Variants in RASA4 observed in about 807,000 individuals in gnomAD.
The protein encoded by RASA4 is ras GTPase-activating protein 4.
In RASA4, 5 loss-of-function variants were observed where a neutral mutation model predicts 24.0. That is an observed-to-expected ratio of 0.21 (90% CI 0.11 to 0.44). The LOEUF (loss-of-function observed/expected upper bound fraction) is 0.44. Among genes scored for constraint, RASA4 ranks in the 20% least tolerant of loss-of-function variants. The probability of loss-of-function intolerance (pLI) is 0.99; values close to 1 mark genes in which losing one functional copy is unlikely to be tolerated. For missense variants in RASA4, 38 were observed against 293.0 expected (o/e 0.13, Z 6.35); for synonymous variants, 9 against 132.7 (o/e 0.07, Z 6.41).
intron 5 of RASA4, among the ~76,000 whole-genome samples, chr7:102,604,020 C>G (rs1347994716): frequency 6.7e-6 from 1 of 148,420 alleles, no homozygotes; most frequent in Non-Finnish European, 1.5e-5. Flanking sequence ...AAAAATTAGC[C>G]GGGCGTGGTG....
rs879600285 is a variant in RASA4, at chr7:102,614,092, C to T, written c.65+2533G>A. Among the ~76,000 whole-genome samples, 361 of 147,662 alleles carry T rather than the reference C, an allele frequency of 2.4e-3. 3 individuals are homozygous for T. Among genetic ancestry groups the T allele is most frequent in the Non-Finnish European group, 4.2e-3 (277 of 66,040 alleles). On this transcript the variant is annotated intron_variant, in intron 1 of 20. Coordinates refer to ENST00000262940, the MANE Select transcript of RASA4 (RefSeq NM_006989.6). Reference sequence around the variant, plus strand: ...TCCCCGTCCTCAGAAGTATGCAAGCCCTGGCTGGAGGAGATGCTACTCAGA... The same window carrying T: ...TCCCCGTCCTCAGAAGTATGCAAGCTCTGGCTGGAGGAGATGCTACTCAGA...
At chr7:102,599,791 G>C (rs1790369448) in intron 8 of RASA4, 69 bp downstream of exon 8, 1 of 63,618 alleles carries the variant, frequency 1.6e-5, no homozygotes, top group African/African-American at 5.4e-5. Flanking sequence ...CTGCCTGCCT[G>C]TAGCCAATTC....
At chr7:102,603,865 C>CAAAAAA (rs60895813) in intron 5 of RASA4, among the ~76,000 whole-genome samples, 1 of 80,198 alleles carries the variant, frequency 1.2e-5, no homozygotes. Flanking sequence ...AAAAAACCAC[C>CAAAAAA]AAAAAAAAAA....
chr7:102,603,784 T>C (rs375942804), intron 5 of RASA4, among the ~76,000 whole-genome samples: 3,884 of 133,858 alleles, frequency 0.029, no homozygotes, highest in African/African-American at 0.059. Flanking sequence ...GAGGTTGCAG[T>C]GAGCCAAGAA....
chr7:102,606,395 CAAA>C (rs555519087), intron 4 of RASA4, among the ~76,000 whole-genome samples: 2 of 55,496 alleles, frequency 3.6e-5, no homozygotes, highest in African/African-American at 4.8e-5. Flanking sequence ...GACCCCATCT[CAAA>C]AAAAAAAAAA....
At chr7:102,609,939 T>G (rs1790765729) in intron 2 of RASA4, among the ~76,000 whole-genome samples, 1 of 108,442 alleles carries the variant, frequency 9.2e-6, no homozygotes, top group South Asian at 3.5e-4. Context: ...AGTGCCGGGA[T>G]GACAGGCGTG....
intron 16 of RASA4, among the ~76,000 whole-genome samples, 193 bp downstream of exon 16, chr7:102,592,092 C>T (rs1790027540): frequency 6.6e-6 from 1 of 150,588 alleles, no homozygotes; most frequent in Non-Finnish European, 1.5e-5. Context: ...GCCTTGGCCT[C>T]CCAAAGTCCT....
At position 102,580,671 on chromosome 7, in the gene RASA4, G is replaced by A. The variant is rs1386509500; in HGVS notation, c.*2100C>T. On this transcript the variant is annotated 3_prime_UTR_variant, in exon 21 of 21. Transcript: ENST00000262940. The stretch of plus-strand genomic sequence containing the variant: ...AGTCTGGCCAACATGGAGAAACTCC[G>A]TCTCTACTAAAAATACAAGAATTAG... 1.3e-4 allele frequency: 7 copies of A among 53,198 alleles called. No homozygotes were observed. Among genetic ancestry groups the A allele is most frequent in the South Asian group, 2.0e-3 (2 of 994 alleles). The allele number at this position is 53,198 out of a possible 1,614,324, so 3.3% of individuals were successfully genotyped here. A position where few individuals can be genotyped will look rare whatever the true frequency, so the allele number is the denominator to read the frequency against.
chr7:102,603,478 G>A (rs1790461309), intron 5 of RASA4, among the ~76,000 whole-genome samples: 1 of 151,080 alleles, frequency 6.6e-6, no homozygotes, highest in South Asian at 2.1e-4. Context: ...TGTTGCCCAG[G>A]CTGGTCTCGA....
intron 1 of RASA4, among the ~76,000 whole-genome samples, chr7:102,611,850 A>G (rs1790855689): frequency 1.4e-5 from 1 of 72,258 alleles, no homozygotes; most frequent in African/African-American, 4.3e-5. Flanking sequence ...GGAGGGGGTG[A>G]GAGGGAGGGG....
chr7:102,590,756 C>G (rs370950411), intron 16 of RASA4, among the ~76,000 whole-genome samples: 1 of 145,650 alleles, frequency 6.9e-6, no homozygotes, highest in South Asian at 2.1e-4. Context: ...GCCTGACAAA[C>G]ATGGAGAAAC....
intron 5 of RASA4, among the ~76,000 whole-genome samples, chr7:102,602,965 T>C (rs1299200108): frequency 6.7e-6 from 1 of 150,238 alleles, no homozygotes; most frequent in Non-Finnish European, 1.5e-5. Context: ...TACCTCCAGC[T>C]TTTTTTTTTT....
rs1790629952 is a variant in RASA4, at chr7:102,605,975, C to G, written c.311G>C (p.Trp104Ser). 2.5e-6 allele frequency: 4 copies of G among 1,609,858 alleles called. No homozygotes were observed. Among genetic ancestry groups the G allele is most frequent in the Non-Finnish European group, 3.4e-6 (4 of 1,179,232 alleles). ...IASHPKGFSG[W>S]AHLTEVDPDE... The stretch of plus-strand genomic sequence containing the variant: ...GGGGTCGACCTCCGTCAGGTGGGCC[C>G]ACCCGCTGAAACCTGTGGGGTCAGC... Residue 104 changes from tryptophan to serine, a missense_variant, in exon 5 of 21, where the codon TGG (tryptophan) becomes TCG (serine). Physicochemically the swap from Trp to Ser is radical, Grantham distance 177. Coordinates refer to ENST00000262940, the MANE Select transcript of RASA4 (RefSeq NM_006989.6).
intron 16 of RASA4, among the ~76,000 whole-genome samples, chr7:102,590,633 G>A (rs1305682853): frequency 1.5e-5 from 2 of 136,436 alleles, no homozygotes; most frequent in Admixed American, 7.3e-5. Flanking sequence ...TGCTTTTGTA[G>A]TCCCAGGCTC....
rs1451884827 is a variant in RASA4, at chr7:102,579,764, ACCTCTACCTCTCC to A, written c.*2994_*3006del. 4.1e-6 allele frequency: 1 copy of A among 245,960 alleles called. No homozygotes were observed. The highest frequency in any genetic ancestry group is 9.7e-5 in the East Asian group (1 of 10,292). 15.2% of individuals were successfully genotyped at this position (245,960 alleles called of 1,614,324 possible). Reference sequence around the variant, plus strand: ...TGTCTGTAATTATCAGCTCGTGGCTACCTCTACCTCTCCCCTCTACCTCTTGTCTCATCTCTAC... The same window carrying A: ...TGTCTGTAATTATCAGCTCGTGGCTACCTCTACCTCTTGTCTCATCTCTAC... On this transcript the variant is annotated 3_prime_UTR_variant, in exon 21 of 21. Coordinates refer to ENST00000262940, the MANE Select transcript of RASA4 (RefSeq NM_006989.6).
chr7:102,603,838 C>CAAA (rs148681177), intron 5 of RASA4, among the ~76,000 whole-genome samples: 5 of 50,418 alleles, frequency 9.9e-5, no homozygotes, highest in Non-Finnish European at 1.1e-4. Context: ...CAGACTGCCT[C>CAAA]AAAAAAAAAA....
chr7:102,603,015 T>C, intron 5 of RASA4, among the ~76,000 whole-genome samples: 1 of 149,122 alleles, frequency 6.7e-6, no homozygotes. Context: ...GGCTGGAGTG[T>C]AATGGTGCAA....
At chr7:102,606,395 C>CAAAAAAAAA (rs555519087) in intron 4 of RASA4, among the ~76,000 whole-genome samples, 29 of 55,488 alleles carry the variant, frequency 5.2e-4, no homozygotes, top group Non-Finnish European at 1.0e-3. Context: ...GACCCCATCT[C>CAAAAAAAAA]AAAAAAAAAA....
At chr7:102,600,027 G>A (rs1232953843) in intron 7 of RASA4, 73 bp from the exon 8 acceptor site, 24 of 23,068 alleles carry the variant, frequency 1.0e-3, no homozygotes, top group Non-Finnish European at 1.7e-3. Context: ...TGTTCTTAGT[G>A]GGGAGGGGCC....
Sources: gnomAD v4.1 joint callset for allele counts (sites outside exome capture counted in the v4.1 genomes callset) on GRCh38, gnomAD v4.1.1 for gene constraint, MANE v1.5 for transcripts, NCBI Gene and HGNC (gene_info 2026-07-23, HGNC 2026-07-21) for gene names.